PTCHD4: variants seen among roughly 807,000 people sequenced by gnomAD.
PTCHD4 encodes the protein patched domain-containing protein 4.
A neutral mutation model predicts 58.1 loss-of-function variants in PTCHD4; 33 were observed. That is an observed-to-expected ratio of 0.57 (90% CI 0.43 to 0.76). The LOEUF is 0.76. PTCHD4 is among the 30% of genes least tolerant of loss of function. The pLI, the probability that PTCHD4 is intolerant of heterozygous loss-of-function variation, is 0.00. For synonymous variants in PTCHD4, 478 were observed against 409.6 expected (o/e 1.17, Z -2.02); for missense variants, 1,058 against 1,027.1 (o/e 1.03, Z -0.41).
chr6:48,096,398 G>A (rs1351921218), intron 1 of PTCHD4, among the ~76,000 whole-genome samples: 1 of 152,024 alleles, frequency 6.6e-6, no homozygotes, highest in Non-Finnish European at 1.5e-5. Context: ...GATAACCTGA[G>A]GTCAGGAGTT....
At chr6:47,941,338 G>A (rs1189053875) in intron 4 of PTCHD4, among the ~76,000 whole-genome samples, 9 of 152,116 alleles carry the variant, frequency 5.9e-5, no homozygotes, top group Admixed American at 5.2e-4. Context: ...CCTGCAGGTC[G>A]GCAACTCCTG....
At chr6:47,918,356 C>T (rs1215226859) in intron 4 of PTCHD4, among the ~76,000 whole-genome samples, 1 of 152,058 alleles carries the variant, frequency 6.6e-6, no homozygotes. Flanking sequence ...ATTCTATTAA[C>T]TCTAAACTAG....
chr6:47,900,287 G>A (rs1382696618), intron 4 of PTCHD4: 1 of 152,124 alleles, frequency 6.6e-6, no homozygotes, highest in South Asian at 2.1e-4. Flanking sequence ...ATCAATACTT[G>A]TTATTGCCTT....
chr6:47,930,600 T>C (rs1765782694), intron 4 of PTCHD4, among the ~76,000 whole-genome samples: 1 of 152,178 alleles, frequency 6.6e-6, no homozygotes, highest in South Asian at 2.1e-4. Context: ...ATAAGAACTA[T>C]GTATGCTCAG....
intron 4 of PTCHD4, among the ~76,000 whole-genome samples, chr6:47,987,064 A>G (rs1440249784): frequency 1.3e-5 from 2 of 152,194 alleles, no homozygotes; most frequent in African/African-American, 2.4e-5. Flanking sequence ...CAAGTTTGAA[A>G]AAGTTTGCAT....
At chr6:48,087,089 C>T (rs1355054991) in intron 1 of PTCHD4, among the ~76,000 whole-genome samples, 1 of 152,116 alleles carries the variant, frequency 6.6e-6, no homozygotes, top group Non-Finnish European at 1.5e-5. Flanking sequence ...TATCACCTAC[C>T]CACCAATCCT....
intron 4 of PTCHD4, among the ~76,000 whole-genome samples, chr6:47,883,176 T>A (rs970587402): frequency 1.3e-5 from 2 of 152,072 alleles, no homozygotes; most frequent in East Asian, 3.8e-4. Flanking sequence ...AGCCGATATA[T>A]AAGATATAAG....
chr6:48,007,025 A>G (rs1225336527), intron 4 of PTCHD4, among the ~76,000 whole-genome samples: 1 of 152,066 alleles, frequency 6.6e-6, no homozygotes, highest in African/African-American at 2.4e-5. Context: ...GATCACCTGA[A>G]ATCAGGAGTT....
chr6:47,874,011 A>G lies in PTCHD4; in HGVS notation c.*4292T>C, dbSNP rs1388932579. Among the ~76,000 whole-genome samples the G allele has an allele frequency of 6.6e-6, 1 of 151,788 alleles. No homozygotes were observed. The highest frequency in any genetic ancestry group is 1.5e-5 in the Non-Finnish European group (1 of 67,810). On this transcript the variant is annotated 3_prime_UTR_variant, in exon 5 of 5. Transcript: ENST00000339488. ...AGATCCCTGTAGTAGGATGCCGAGC[A>G]AATCATTGACTTCTCCAATCTCTAA...
rs1468020545 is a variant in PTCHD4 at position 47,878,801 on chromosome 6, G to T, written c.2034C>A (p.His678Gln). 6.2e-7 allele frequency: 1 copy of T among 1,613,632 alleles called. No individual in the cohort carries two copies. The highest frequency in any genetic ancestry group is 8.5e-7 in the Non-Finnish European group (1 of 1,179,764). ...VLILTFFLVI[H>Q]PLGNFWLILS... ...GAATTAGCCAGAAGTTTCCCAGAGG[G>T]TGGATCACTAGGAAAAAAGTCAGGA... The change falls in exon 5 of 5, where the codon CAC (histidine) becomes CAA (glutamine). Residue 678 changes from histidine (H) to glutamine (Q), a missense_variant. His to Gln is a conservative substitution (Grantham distance 24). Coordinates refer to ENST00000339488, the MANE Select transcript of PTCHD4 (RefSeq NM_001384253.1).
rs2114078900 is a variant in PTCHD4 at position 47,871,389 on chromosome 6, A to T, written c.*6914T>A. 6.6e-6 allele frequency among the ~76,000 whole-genome samples: 1 copy of T among 151,746 alleles called. No individual in the cohort carries two copies. The highest frequency in any genetic ancestry group is 2.4e-5 in the African/African-American group (1 of 41,494). On this transcript the variant is annotated 3_prime_UTR_variant, in exon 5 of 5. Transcript: ENST00000339488. ...CCAAGAAAAGTGATAAGTGAAATGC[A>T]CTTGGAATTTTTCTGAAGTTATTCA...
chr6:47,901,339 T>C, intron 4 of PTCHD4: 1 of 625,500 alleles, frequency 1.6e-6, no homozygotes, highest in Non-Finnish European at 2.0e-6. Context: ...CTGGTTTTAG[T>C]ATCAGGGTAA....
chr6:47,981,644 A>G (rs953539360), intron 4 of PTCHD4, among the ~76,000 whole-genome samples: 1 of 152,110 alleles, frequency 6.6e-6, no homozygotes, highest in Non-Finnish European at 1.5e-5. Context: ...AATAGAGGCA[A>G]TGTTATCTGG....
At chr6:47,887,306 A>G (rs1314813856) in intron 4 of PTCHD4, among the ~76,000 whole-genome samples, 1 of 150,760 alleles carries the variant, frequency 6.6e-6, no homozygotes, top group Non-Finnish European at 1.5e-5. Flanking sequence ...AATTAAATAT[A>G]AATTATAACT....
chr6:48,000,345 C>A (rs1575790), intron 4 of PTCHD4, among the ~76,000 whole-genome samples: 3,938 of 152,194 alleles, frequency 0.026, 80 homozygotes, highest in South Asian at 0.08. Flanking sequence ...ATACTGTAAA[C>A]CTCATTTTTT....
rs746791213 is a variant in PTCHD4, at chr6:48,068,247, C to T, written c.400G>A (p.Ala134Thr). ...QAEGILQTHR[A>T]VLEMKDGRNS... is the part of the protein sequence containing the mutation. ...TGGTTCACCTTCATTTCCAGCACGG[C>T]TCGGTGGGTCTGCAGGATCCCCTCA... The change falls in exon 3 of 5, where the codon GCC becomes ACC. Residue 134 changes from alanine (A) to threonine (T), a missense_variant. By Grantham distance (58) the Ala-to-Thr change is moderately conservative. Coordinates refer to ENST00000339488, the MANE Select transcript of PTCHD4 (RefSeq NM_001384253.1). This position sits in a 1 kb window ranked among gnomAD's most constrained non-coding sequence, Gnocchi z 4.2. 157 of 1,578,438 alleles carry T rather than the reference C, an allele frequency of 9.9e-5. No homozygotes were observed. Among genetic ancestry groups the T allele is most frequent in the Non-Finnish European group, 1.3e-4 (150 of 1,159,274 alleles).
At chr6:48,053,270 C>A in intron 3 of PTCHD4, among the ~76,000 whole-genome samples, 1 of 152,096 alleles carries the variant, frequency 6.6e-6, no homozygotes, top group East Asian at 1.9e-4. Flanking sequence ...GATTAAAATT[C>A]TTTAATATCA....
At chr6:48,070,114 A>AGTGT (rs1198695103) in intron 1 of PTCHD4, among the ~76,000 whole-genome samples, 188 bp from the exon 2 acceptor site, 4 of 139,684 alleles carry the variant, frequency 2.9e-5, no homozygotes, top group African/African-American at 1.1e-4. Flanking sequence ...AATATTAATA[A>AGTGT]GTGTGTGTTT....
chr6:47,934,210 G>A (rs989668828), intron 4 of PTCHD4, among the ~76,000 whole-genome samples: 1 of 152,130 alleles, frequency 6.6e-6, no homozygotes, highest in African/African-American at 2.4e-5. Flanking sequence ...CTCTTCCTGT[G>A]TGGAACCTGG....
Sources: gnomAD v4.1 joint callset for allele counts (sites outside exome capture counted in the v4.1 genomes callset) on GRCh38, gnomAD v4.1.1 for gene constraint, Gnocchi (gnomAD v3.1) non-coding constraint, MANE v1.5 for transcripts, NCBI Gene and HGNC (gene_info 2026-07-23, HGNC 2026-07-21) for gene names.